The following COPB2 variants were observed in gnomAD, a reference collection of about 807,000 sequenced individuals.
The protein encoded by COPB2 is coat protein complex I subunit beta 2.
In COPB2, 16 loss-of-function variants were observed where a neutral mutation model predicts 120.8. The ratio of observed to expected loss-of-function variants is 0.13; its 90% confidence interval spans 0.09 to 0.20. COPB2 has a LOEUF of 0.20. Ranked by LOEUF, COPB2 falls within the 10% of genes least tolerant of loss-of-function variation. The pLI is 1.00. For missense variants in COPB2, 794 were observed against 1,076.5 expected, an observed-to-expected ratio of 0.74 and a Z score of 3.67; for synonymous variants, 332 against 366.3, an observed-to-expected ratio of 0.91 and a Z score of 1.07.
intron 7 of COPB2, chr3:139,374,231 T>C (rs1941676554): frequency 4.3e-6 from 2 of 468,542 alleles, no homozygotes; most frequent in Non-Finnish European, 7.6e-6. Context: ...GCTTTTTCAG[T>C]TTCTCTTTAG....
chr3:139,383,723 GT>G (rs1941855936), intron 1 of COPB2, among the ~76,000 whole-genome samples: 1 of 152,094 alleles, frequency 6.6e-6, no homozygotes, highest in African/African-American at 2.4e-5. Flanking sequence ...GTTTATGTGA[GT>G]TTTAGCTATT....
intron 13 of COPB2, 100 bp from the exon 14 acceptor site, chr3:139,367,245 G>T: frequency 7.5e-7 from 1 of 1,335,622 alleles, no homozygotes; most frequent in Non-Finnish European, 1.0e-6. Context: ...AATAAGGAAT[G>T]CAAAGTAAAA....
rs1216988953 is a variant in COPB2 at position 139,362,396 on chromosome 3, T to G, written c.1995+11A>C. ...TCCATCAGTTATGAAAAATCATGAA[T>G]TAGTACATACCTCTGCTTCCACTGC... On this transcript the variant is annotated intron_variant, in intron 16 of 21. Transcript: ENST00000333188. 6.4e-7 allele frequency: 1 copy of G among 1,574,300 alleles called. No individual in the cohort carries two copies. Among genetic ancestry groups the G allele is most frequent in the South Asian group, 1.1e-5 (1 of 87,226 alleles).
At chr3:139,378,295 T>A in intron 4 of COPB2, 106 bp from the exon 5 acceptor site, 1 of 1,057,804 alleles carries the variant, frequency 9.5e-7, no homozygotes, top group South Asian at 3.4e-5. Flanking sequence ...ATATAATCCA[T>A]GACTTACAGA....
intron 15 of COPB2, among the ~76,000 whole-genome samples, chr3:139,366,226 T>C (rs1941512448): frequency 6.6e-6 from 1 of 151,940 alleles, no homozygotes; most frequent in Non-Finnish European, 1.5e-5. Context: ...CATGTCATGG[T>C]ACATTTTATA....
chr3:139,370,570 A>T (rs1941605831), intron 10 of COPB2, among the ~76,000 whole-genome samples: 1 of 152,012 alleles, frequency 6.6e-6, no homozygotes, highest in Admixed American at 6.5e-5. Flanking sequence ...GGGCGATTTA[A>T]ATAATAAAAA....
Position 139,378,178 on chromosome 3 carries a change from T to C in COPB2, c.367A>G (p.Ile123Val). The change falls in exon 5 of 22, where the codon ATT becomes GTT. Residue 123 changes from isoleucine (I) to valine (V), a missense_variant. Around this residue, in one of 3 missense-constraint regions of COPB2, gnomAD observed 610 missense variants for 866.7 expected, o/e 0.70. Coordinates refer to ENST00000333188, the MANE Select transcript of COPB2 (RefSeq NM_004766.3). ...FILTSSDDML[I>V]KLWDWDKKWS... is the part of the protein sequence containing the mutation. Reference sequence around the variant, plus strand: ...TTTTTATCCCAGTCCCAGAGCTTAATAAGCATGTCATCTAGGCCAAAAGAA... The same window carrying C: ...TTTTTATCCCAGTCCCAGAGCTTAACAAGCATGTCATCTAGGCCAAAAGAA... 1 of 1,569,290 alleles carries C rather than the reference T, an allele frequency of 6.4e-7. No homozygotes were observed. The highest frequency in any genetic ancestry group is 8.7e-7 in the Non-Finnish European group (1 of 1,147,026).
Position 139,366,668 on chromosome 3 carries a change from T to A in COPB2, c.1784A>T (p.Gln595Leu). ...AAAGTCCCTCCGCATGACAGCTGTC[T>A]GGTATTCCAGGACTGAAACCAGCAG... ...YSLLVSVLEY[Q>L]TAVMRRDFSM... The change falls in exon 15 of 22, where the codon CAG (glutamine) becomes CTG (leucine). Residue 595 changes from glutamine to leucine, a missense_variant. Gln to Leu is a moderately radical substitution (Grantham distance 113). Transcript: ENST00000333188. 6.2e-7 allele frequency: 1 copy of A among 1,614,122 alleles called. No homozygotes were observed. Among genetic ancestry groups the A allele is most frequent in the South Asian group, 1.1e-5 (1 of 91,088 alleles).
chr3:139,362,730 A>G (rs758653670), intron 15 of COPB2, among the ~76,000 whole-genome samples: 20 of 152,200 alleles, frequency 1.3e-4, no homozygotes, highest in Non-Finnish European at 2.4e-4. Context: ...CAGATAAAAT[A>G]TTCAGTGACA....
At chr3:139,362,267 AAG>A (rs554116566) in intron 16 of COPB2, 138 bp downstream of exon 16, 1 of 477,110 alleles carries the variant, frequency 2.1e-6, no homozygotes, top group Non-Finnish European at 3.7e-6. Context: ...TTAAAAAGAT[AAG>A]AGAGAGACAA....
rs141870357 is a variant in COPB2, at chr3:139,359,302, C to G, written c.2271G>C (p.Leu757Phe). The change falls in exon 18 of 22, where the codon TTG (leucine) becomes TTC (phenylalanine). Residue 757 changes from leucine to phenylalanine, a missense_variant. By Grantham distance (22) the Leu-to-Phe change is conservative (BLOSUM62 0). Transcript: ENST00000333188. ...RTGRLPEAAF[L>F]ARTYLPSQVS... Reference sequence around the variant, plus strand: ...CCTGACTGGGTAAGTAAGTTCGGGCCAAGAAGGCAGCTTCTGGCAGCCGTC... The same window carrying G: ...CCTGACTGGGTAAGTAAGTTCGGGCGAAGAAGGCAGCTTCTGGCAGCCGTC... The G allele has an allele frequency of 3.7e-6, 6 of 1,613,996 alleles. No homozygotes were observed. In the African/African-American group the frequency reaches 5.3e-5, roughly 14 times the overall value.
At chr3:139,373,044 TGA>T (rs1941649125) in intron 9 of COPB2, among the ~76,000 whole-genome samples, 167 bp downstream of exon 9, 2 of 152,210 alleles carry the variant, frequency 1.3e-5, no homozygotes, top group South Asian at 4.1e-4. Flanking sequence ...TGTGCCAACT[TGA>T]TCAAGTGGCA....
chr3:139,362,591 C>T (rs1560013267), intron 15 of COPB2, 74 bp from the exon 16 acceptor site: 93 of 765,928 alleles, frequency 1.2e-4, no homozygotes, highest in East Asian at 2.2e-4. Flanking sequence ...TATATATATA[C>T]ACACACATAT....
chr3:139,371,011 T>A (rs1008083453), intron 10 of COPB2, among the ~76,000 whole-genome samples: 7 of 152,152 alleles, frequency 4.6e-5, no homozygotes, highest in Non-Finnish European at 7.4e-5. Flanking sequence ...GGGGGCAAGA[T>A]GCAACATAAA....
chr3:139,359,632 G>A (rs1252286516), intron 17 of COPB2, among the ~76,000 whole-genome samples: 2 of 152,084 alleles, frequency 1.3e-5, no homozygotes, highest in Non-Finnish European at 2.9e-5. Context: ...AGGAGTTAAG[G>A]CAGGTTAGAT....
At chr3:139,368,096 A>G in intron 13 of COPB2, 49 bp downstream of exon 13, 1 of 1,582,742 alleles carries the variant, frequency 6.3e-7, no homozygotes, top group Non-Finnish European at 8.6e-7. Flanking sequence ...TAAGAATATA[A>G]ATCATTTAAA....
At position 139,358,188 on chromosome 3, in the gene COPB2, T is replaced by A; in HGVS notation, c.2625+12A>T. ...GGGGTAGAGGGAGGTTTGAGTATGA[T>A]GTCTGACCTACCTTTTCTTCTTTGT... On this transcript the variant is annotated intron_variant, in intron 21 of 21. Transcript: ENST00000333188. 1 of 1,612,448 alleles carries A rather than the reference T, an allele frequency of 6.2e-7. No homozygotes were observed. Among genetic ancestry groups the A allele is most frequent in the Non-Finnish European group, 8.5e-7 (1 of 1,178,420 alleles).
chr3:139,358,635 C>T (rs146998078), intron 20 of COPB2, 109 bp downstream of exon 20: 132 of 750,534 alleles, frequency 1.8e-4, no homozygotes, highest in African/African-American at 1.2e-3. Flanking sequence ...GAGCCTAGAT[C>T]GCGCCACTGC....
chr3:139,389,431 A>AG (rs1170839938), intron 1 of COPB2, 117 bp downstream of exon 1: 3 of 1,358,000 alleles, frequency 2.2e-6, no homozygotes, highest in Non-Finnish European at 2.9e-6. Context: ...GCAAGGCCTG[A>AG]GGCGGCGGCC....
Sources: allele counts gnomAD v4.1 joint callset (sites outside exome capture counted in the v4.1 genomes callset), GRCh38; gene constraint gnomAD v4.1.1; regional missense constraint gnomAD v4.1.1; transcripts MANE v1.5; gene names NCBI Gene and HGNC (gene_info 2026-07-23, HGNC 2026-07-21).